Variants in AGL observed in about 807,000 individuals in gnomAD.
The protein encoded by AGL is amylo-alpha-1,6-glucosidase and 4-alpha-glucanotransferase.
A neutral mutation model predicts 199.3 loss-of-function variants in AGL; 128 were observed. The ratio of observed to expected loss-of-function variants is 0.64; its 90% CI spans 0.56 to 0.74. AGL has a LOEUF of 0.74. AGL is among the 30% of genes least tolerant of loss of function. The probability of loss-of-function intolerance (pLI) is 0.00; values close to 1 mark genes in which losing one functional copy is unlikely to be tolerated. For synonymous variants in AGL, 584 were observed against 594.7 expected (o/e 0.98, Z 0.26); for missense variants, 1,809 against 1,820.8 (o/e 0.99, Z 0.12).
chr1:99,881,830 A>G (rs1652059307), intron 17 of AGL, 139 bp downstream of exon 17: 14 of 905,288 alleles, frequency 1.5e-5, no homozygotes, highest in Non-Finnish European at 2.2e-5. Context: ...GAGAAAAAGA[A>G]TTTAAACTTT....
chr1:99,902,147 AT>A (rs762231666), intron 26 of AGL, among the ~76,000 whole-genome samples: 2 of 152,132 alleles, frequency 1.3e-5, no homozygotes, highest in Non-Finnish European at 2.9e-5. Flanking sequence ...TAAAAATATA[AT>A]TGTATATTTT....
At chr1:99,874,207 T>A (rs1194593807) in intron 7 of AGL, among the ~76,000 whole-genome samples, 7 of 151,542 alleles carry the variant, frequency 4.6e-5, no homozygotes, top group Non-Finnish European at 2.9e-5. Context: ...GTTAGAATAT[T>A]TGGTAGCACC....
At chr1:99,879,327 C>T (rs1651818643) in intron 12 of AGL, among the ~76,000 whole-genome samples, 1 of 151,982 alleles carries the variant, frequency 6.6e-6, no homozygotes, top group Admixed American at 6.6e-5. Flanking sequence ...TGGCTCACGC[C>T]TGTAATCCCA....
At chr1:99,856,686 C>T (rs1649495273) in intron 2 of AGL, among the ~76,000 whole-genome samples, 1 of 152,064 alleles carries the variant, frequency 6.6e-6, no homozygotes, top group South Asian at 2.1e-4. Context: ...TTTAACAAAG[C>T]ACATCTTGCA....
chr1:99,860,606 G>C (rs1460522344), intron 2 of AGL, among the ~76,000 whole-genome samples: 1 of 152,102 alleles, frequency 6.6e-6, no homozygotes, highest in Non-Finnish European at 1.5e-5. Flanking sequence ...ACAAGTCTAA[G>C]GTATGTTTTT....
chr1:99,870,585 A>G lies in AGL; in HGVS notation c.846+4A>G. 1 of 1,613,990 alleles carries G rather than the reference A, an allele frequency of 6.2e-7. No individual in the cohort carries two copies. Among genetic ancestry groups the G allele is most frequent in the Non-Finnish European group, 8.5e-7 (1 of 1,179,908 alleles). Reference sequence around the variant, plus strand: ...TGAAAATGATCACCATATGAATGTCAGTATGTACAGAGGAGTATCACACTA... The same window carrying G: ...TGAAAATGATCACCATATGAATGTCGGTATGTACAGAGGAGTATCACACTA... On this transcript the variant is annotated splice_donor_region_variant and intron_variant, in intron 6 of 33. Transcript: ENST00000361915.
chr1:99,884,849 A>AT (rs1652333587), intron 20 of AGL, 146 bp downstream of exon 20: 2 of 962,612 alleles, frequency 2.1e-6, no homozygotes. Context: ...CCTGTTGTTA[A>AT]CATTTTACCC....
intron 12 of AGL, 91 bp from the exon 13 acceptor site, chr1:99,879,832 C>G (rs1332874174): frequency 5.9e-6 from 6 of 1,016,362 alleles, no homozygotes; most frequent in Non-Finnish European, 9.3e-6. Context: ...TATGTCAAAT[C>G]ATGCCTCCTT....
At chr1:99,905,343 A>G (rs1005930204) in intron 27 of AGL, among the ~76,000 whole-genome samples, 2 of 151,968 alleles carry the variant, frequency 1.3e-5, no homozygotes. Context: ...CTACAGGTGC[A>G]TGCCACCACA....
chr1:99,912,803 A>G (rs1654842174), intron 29 of AGL, among the ~76,000 whole-genome samples: 3 of 152,228 alleles, frequency 2.0e-5, no homozygotes, highest in South Asian at 2.1e-4. Context: ...CAATTTTGCA[A>G]TCTTTACATG....
intron 10 of AGL, among the ~76,000 whole-genome samples, chr1:99,875,803 G>C (rs1401774666): frequency 1.3e-5 from 2 of 150,658 alleles, no homozygotes; most frequent in East Asian, 3.9e-4. Flanking sequence ...TGCAGTAAAA[G>C]CCTTTGCATA....
intron 7 of AGL, among the ~76,000 whole-genome samples, chr1:99,873,922 T>A (rs1651246787): frequency 6.6e-6 from 1 of 152,226 alleles, no homozygotes; most frequent in Non-Finnish European, 1.5e-5. Context: ...AGACACAAAT[T>A]AATTAGTTAA....
At chr1:99,871,410 GCC>G (rs5776495) in intron 7 of AGL, among the ~76,000 whole-genome samples, 4,681 of 141,834 alleles carry the variant, frequency 0.033, 178 homozygotes, top group African/African-American at 0.087. Flanking sequence ...CAGTTAATGT[GCC>G]CCCCCCCCCC....
rs563939403 is a variant in AGL at position 99,900,380 on chromosome 1, A to C, written c.3363-256A>C. 3.9e-5 allele frequency among the ~76,000 whole-genome samples: 6 copies of C among 152,326 alleles called. No homozygotes were observed. In the South Asian group the frequency reaches 1.2e-3, roughly 32 times the overall value. On this transcript the variant is annotated intron_variant, in intron 25 of 33. Transcript: ENST00000361915. ...GGGACCTTAAAAATCACCCAGTCCAATCTCAAATGAAAAAACTGTATCAGA... is the reference window on the plus strand; with the variant it reads ...GGGACCTTAAAAATCACCCAGTCCACTCTCAAATGAAAAAACTGTATCAGA...
In AGL at chr1:99,864,604, G is replaced by T; in HGVS notation, c.664+15G>T. On this transcript the variant is annotated intron_variant, in intron 5 of 33. Transcript: ENST00000361915. ...CAATCATACTGGTATGAGCTTCATT[G>T]ACTGCCTTCATTAATTTTGATGAGA... The T allele has an allele frequency of 1.2e-6, 2 of 1,602,146 alleles. No homozygotes were observed. Among genetic ancestry groups the T allele is most frequent in the South Asian group, 2.2e-5 (2 of 90,560 alleles).
At chr1:99,874,409 G>A in intron 7 of AGL, 2 of 245,114 alleles carry the variant, frequency 8.2e-6, no homozygotes, top group Non-Finnish European at 1.6e-5. Context: ...AGTGGGGGCT[G>A]AGATTGAATT....
chr1:99,849,394 C>G (rs1227000957), upstream of AGL, among the ~76,000 whole-genome samples: 1 of 152,134 alleles, frequency 6.6e-6, no homozygotes, highest in Admixed American at 6.5e-5. Context: ...CTCCAAAAGC[C>G]CTGGAAGATG....
rs138344803 is a variant in AGL at position 99,864,072 on chromosome 1, C to T, written c.461-314C>T. Among the ~76,000 whole-genome samples, 138 of 152,236 alleles carry T rather than the reference C, an allele frequency of 9.1e-4. No individual in the cohort carries two copies. The East Asian group carries it at 0.025, about 28-fold the overall frequency. On this transcript the variant is annotated intron_variant, in intron 4 of 33. Transcript: ENST00000361915. ...TAGTAGAAACACGTGTTGATATACT[C>T]GTAGAAGATAAATTTACTACATGTT...
chr1:99,891,002 C>G (rs967365107), intron 21 of AGL, among the ~76,000 whole-genome samples: 1 of 151,982 alleles, frequency 6.6e-6, no homozygotes, highest in South Asian at 2.1e-4. Flanking sequence ...GACAGTAGTC[C>G]CCTTCAGTAT....
Sources: gnomAD v4.1 joint callset for allele counts (sites outside exome capture counted in the v4.1 genomes callset) on GRCh38, gnomAD v4.1.1 for gene constraint, MANE v1.5 for transcripts, NCBI Gene and HGNC (gene_info 2026-07-23, HGNC 2026-07-21) for gene names.